FAM9C: variants seen among roughly 807,000 people sequenced by gnomAD.
FAM9C encodes the protein family with sequence similarity 9 member C.
A neutral mutation model predicts 14.8 loss-of-function variants in FAM9C; 15 were observed. The observed-to-expected ratio is 1.02, with a 90% CI of 0.68 to 1.56. The LOEUF is 1.56. FAM9C is among the 40% of genes most tolerant of loss of function. The pLI, the probability that FAM9C is intolerant of heterozygous loss-of-function variation, is 0.00. For synonymous variants in FAM9C, 45 were observed against 37.5 expected, an observed-to-expected ratio of 1.20 and a Z score of -0.74; for missense variants, 116 against 118.0, an observed-to-expected ratio of 0.98 and a Z score of 0.08.
At chrX:13,041,608 CTT>C in intron 4 of FAM9C, 1 of 112,147 alleles carries the variant, frequency 8.9e-6, no homozygotes, top group South Asian at 3.6e-4. Flanking sequence ...GTAGAAATAA[CTT>C]AATACACAAT....
intron 5 of FAM9C, 87 bp from the exon 6 acceptor site, chrX:13,040,003 T>C: frequency 3.7e-6 from 3 of 803,643 alleles, no homozygotes; most frequent in Non-Finnish European, 5.3e-6. Flanking sequence ...TTGACATAGT[T>C]TGTACTATAA....
At chrX:13,042,288 C>G (rs1470802166) in intron 4 of FAM9C, 1 of 111,631 alleles carries the variant, frequency 9.0e-6, no homozygotes, top group Non-Finnish European at 1.9e-5. Flanking sequence ...TCAATTTTCT[C>G]TGGTACTTTA....
rs1324473433 is a variant in FAM9C at position 13,039,690 on chromosome X, A to G, written c.438+118T>C. 4.6e-6 allele frequency: 5 copies of G among 1,080,844 alleles called. No individual in the cohort carries two copies. The Admixed American group carries it at 1.7e-4, about 36-fold the overall frequency. The allele number at this position is 1,080,844 out of a possible 1,213,427, so 89.1% of individuals were successfully genotyped here. A position where few individuals can be genotyped will look rare whatever the true frequency, so the allele number is the denominator to read the frequency against. Reference sequence around the variant, plus strand: ...ATTCCCCTAGTCCATGAGTCCACTAATGGGCGACCCTCTCTGGGCTCATGC... The same window carrying G: ...ATTCCCCTAGTCCATGAGTCCACTAGTGGGCGACCCTCTCTGGGCTCATGC... On this transcript the variant is annotated intron_variant, in intron 6 of 7. Coordinates refer to ENST00000380625, the MANE Select transcript of FAM9C (RefSeq NM_174901.6).
chrX:13,043,974 C>A (rs960063753), intron 1 of FAM9C, 117 bp from the exon 2 acceptor site: 3 of 447,682 alleles, frequency 6.7e-6, no homozygotes, highest in Non-Finnish European at 7.9e-6. Flanking sequence ...GGAGGGGACG[C>A]GGAGAAGATG....
intron 6 of FAM9C, among the ~76,000 whole-genome samples, chrX:13,039,159 T>TTCGTATATAAAG (rs971000435): frequency 5.4e-5 from 6 of 111,711 alleles, no homozygotes; most frequent in Non-Finnish European, 1.1e-4. Flanking sequence ...CATGTCTCCT[T>TTCGTATATAAAG]TCGTATATAA....
intron 2 of FAM9C, 139 bp from the exon 3 acceptor site, chrX:13,043,387 G>T: frequency 2.3e-6 from 2 of 858,456 alleles, no homozygotes; most frequent in Non-Finnish European, 1.6e-6. Context: ...ACATGGAATC[G>T]CCGGCTCCTA....
At chrX:13,043,609 G>A in intron 2 of FAM9C, 120 bp downstream of exon 2, 2 of 871,062 alleles carry the variant, frequency 2.3e-6, no homozygotes, top group Admixed American at 2.4e-5. Flanking sequence ...GCACATGCAC[G>A]GTGAGCTCCA....
intron 7 of FAM9C, chrX:13,037,177 T>C (rs1391469408): frequency 2.7e-5 from 3 of 112,086 alleles, no homozygotes; most frequent in Non-Finnish European, 3.8e-5. Flanking sequence ...TTTAGGAAGA[T>C]AGTATTTCTG....
intron 4 of FAM9C, 65 bp downstream of exon 4, chrX:13,042,853 C>T (rs181889782): frequency 8.8e-7 from 1 of 1,131,015 alleles, no homozygotes; most frequent in East Asian, 3.0e-5. Flanking sequence ...ATTCATATAA[C>T]CTACTGTAAG....
At chrX:13,039,238 G>A (rs1017880856) in intron 6 of FAM9C, among the ~76,000 whole-genome samples, 3 of 111,199 alleles carry the variant, frequency 2.7e-5, no homozygotes, top group African/African-American at 9.8e-5. Context: ...AACTGGAATT[G>A]GATCCCAAGC....
At chrX:13,043,319 C>G in intron 2 of FAM9C, 71 bp from the exon 3 acceptor site, 1 of 1,128,455 alleles carries the variant, frequency 8.9e-7, no homozygotes, top group Non-Finnish European at 1.2e-6. Context: ...CATAGAGAAA[C>G]GTACTATTTG....
At chrX:13,039,413 C>A (rs991125570) in intron 6 of FAM9C, among the ~76,000 whole-genome samples, 4 of 111,124 alleles carry the variant, frequency 3.6e-5, no homozygotes, top group African/African-American at 1.3e-4. Context: ...CTTTTCACTG[C>A]CCAATGCCCC....
intron 4 of FAM9C, chrX:13,042,467 G>A (rs764270082): frequency 7.8e-6 from 1 of 127,948 alleles, no homozygotes; most frequent in East Asian, 2.5e-4. Context: ...CATCAGGTAC[G>A]ATGCTTATAA....
At chrX:13,037,772 AG>A (rs2043491362) in intron 7 of FAM9C, 1 of 113,383 alleles carries the variant, frequency 8.8e-6, no homozygotes, top group African/African-American at 3.2e-5. Context: ...GCTGTACGAC[AG>A]CAGATAATTC....
intron 2 of FAM9C, 32 bp downstream of exon 2, chrX:13,043,697 C>T: frequency 1.7e-6 from 2 of 1,209,907 alleles, no homozygotes; most frequent in South Asian, 3.5e-5. Flanking sequence ...TGGGCGTGCA[C>T]CTTCTTCTAG....
At chrX:13,042,737 A>G in intron 4 of FAM9C, 181 bp downstream of exon 4, 1 of 532,851 alleles carries the variant, frequency 1.9e-6, no homozygotes, top group Non-Finnish European at 3.2e-6. Context: ...GCATTCTCAC[A>G]TTCCACATCA....
intron 1 of FAM9C, 70 bp from the exon 2 acceptor site, chrX:13,043,927 G>T: frequency 1.6e-6 from 1 of 637,956 alleles, no homozygotes; most frequent in Non-Finnish European, 2.5e-6. Context: ...CATCAGGATC[G>T]CAGGTTCAAG....
intron 6 of FAM9C, among the ~76,000 whole-genome samples, chrX:13,039,110 C>G (rs1379740101): frequency 9.0e-6 from 1 of 111,691 alleles, no homozygotes; most frequent in African/African-American, 3.3e-5. Flanking sequence ...CACAGGAACC[C>G]TTTAATCCTC....
chrX:13,039,376 G>C (rs977885225), intron 6 of FAM9C, among the ~76,000 whole-genome samples: 25 of 110,984 alleles, frequency 2.3e-4, no homozygotes, highest in African/African-American at 8.2e-4. Context: ...GGAGTCTGTA[G>C]GGACCTGACG....
Sources: allele counts gnomAD v4.1 joint callset (sites outside exome capture counted in the v4.1 genomes callset), GRCh38; gene constraint gnomAD v4.1.1; transcripts MANE v1.5; gene names NCBI Gene and HGNC (gene_info 2026-07-23, HGNC 2026-07-21).